COG4: variants seen among roughly 807,000 people sequenced by gnomAD.
COG4 encodes the protein component of oligomeric golgi complex 4, also known as conserved oligomeric Golgi complex subunit 4.
COG4 carries 65 observed loss-of-function variants against 95.1 expected under a neutral mutation model. That is an observed-to-expected ratio of 0.68 (90% CI 0.56 to 0.84). The LOEUF is 0.84. Ranked by LOEUF, COG4 falls within the 40% of genes least tolerant of loss-of-function variation. The pLI is 0.00. For synonymous variants in COG4, 421 were observed against 374.8 expected, an observed-to-expected ratio of 1.12 and a Z score of -1.42; for missense variants, 1,045 against 989.1, an observed-to-expected ratio of 1.06 and a Z score of -0.76.
intron 13 of COG4, 57 bp from the exon 14 acceptor site, chr16:70,484,026 G>C (rs1211627307): frequency 1.6e-6 from 2 of 1,262,626 alleles, no homozygotes; most frequent in Admixed American, 3.4e-5. Flanking sequence ...GGGAGTGTGA[G>C]GAGCCACCAG....
chr16:70,520,877 T>C lies in COG4; in HGVS notation c.172-1146A>G, dbSNP rs77639630. Among the ~76,000 whole-genome samples, 982 of 152,326 alleles carry C rather than the reference T, an allele frequency of 6.4e-3. 12 individuals are homozygous for C. The highest frequency in any genetic ancestry group is 0.022 in the African/African-American group (920 of 41,564). ...TAGCAATACCAATCTCACTGGGCTGTTGAATGAGTCAAACAGGAAACCACA... is the reference window on the plus strand; with the variant it reads ...TAGCAATACCAATCTCACTGGGCTGCTGAATGAGTCAAACAGGAAACCACA... On this transcript the variant is annotated intron_variant, in intron 1 of 18. Transcript: ENST00000323786.
At chr16:70,498,131 G>A (rs1468095714) in intron 9 of COG4, 76 bp from the exon 10 acceptor site, 1 of 869,878 alleles carries the variant, frequency 1.1e-6, no homozygotes, top group African/African-American at 1.7e-5. Flanking sequence ...ATTTTTTCAG[G>A]TTCCTTTATA....
At position 70,501,005 on chromosome 16, in the gene COG4, G is replaced by C; in HGVS notation, c.1148C>G (p.Ser383Cys). Residue 383 changes from serine (S) to cysteine (C), a missense_variant, in exon 9 of 19, where the codon TCT (serine) becomes TGT (cysteine). Ser to Cys is a moderately radical substitution (Grantham distance 112). Transcript: ENST00000323786. ...CATGGAGTCTCCCACCTCAAAATCA[G>C]AGCTAATCCTCTTCTTGAGGAAGCG... ...YLRFLKKRIS[S>C]DFEVGDSMAS... The C allele has an allele frequency of 6.2e-7, 1 of 1,614,064 alleles. No individual in the cohort carries two copies. The highest frequency in any genetic ancestry group is 8.5e-7 in the Non-Finnish European group (1 of 1,180,026).
Position 70,497,806 on chromosome 16 carries a change from G to C in COG4, c.1314+131C>G. The C allele has an allele frequency of 1.2e-5, 9 of 773,318 alleles. No individual in the cohort carries two copies. The South Asian group carries it at 1.2e-4, about 11-fold the overall frequency. 47.9% of individuals were successfully genotyped at this position (773,318 alleles called of 1,614,324 possible). On this transcript the variant is annotated intron_variant, in intron 10 of 18. Transcript: ENST00000323786. The stretch of plus-strand genomic sequence containing the variant: ...AGATGCTCTCTAAACATACAAAGTG[G>C]TACCACTCAATCTGCATGCAAGAGT...
Position 70,492,405 on chromosome 16 carries a change from T to C in COG4, c.1648-2013A>G, listed in dbSNP as rs562344487. ...CAGGCGCAGTGGCTCATGCCTGTAA[T>C]CACAGCAGTTTGGGAGGCCGATGCG... On this transcript the variant is annotated intron_variant, in intron 12 of 18. Transcript: ENST00000323786. Among the ~76,000 whole-genome samples, 2 of 152,154 alleles carry C rather than the reference T, an allele frequency of 1.3e-5. 1 individual carries two copies. Among genetic ancestry groups the C allele is most frequent in the Admixed American group, 1.3e-4 (2 of 15,262 alleles).
Position 70,496,294 on chromosome 16 carries a change from C to T in COG4, c.1619G>A (p.Ser540Asn). The change falls in exon 12 of 19, where the codon AGT (serine) becomes AAT (asparagine). Residue 540 changes from serine (S) to asparagine (N), a missense_variant. Physicochemically the swap from Ser to Asn is conservative, Grantham distance 46 (BLOSUM62 1). Transcript: ENST00000323786. ...GAAGGACATCTTCGCCTCGTCAGTA[C>T]TCTCGATGCCTTTTGTGTCAAATTT... ...QGKFDTKGIE[S>N]TDEAKMSFLV... is the part of the protein sequence containing the mutation. The T allele has an allele frequency of 1.9e-6, 3 of 1,614,220 alleles. No individual in the cohort carries two copies. The highest frequency in any genetic ancestry group is 2.5e-6 in the Non-Finnish European group (3 of 1,180,036).
rs1340275148 is a variant in COG4 at position 70,514,380 on chromosome 16, A to G, written c.499T>C (p.Cys167Arg). 5.0e-6 allele frequency: 8 copies of G among 1,614,180 alleles called. No individual in the cohort carries two copies. Among genetic ancestry groups the G allele is most frequent in the Non-Finnish European group, 6.8e-6 (8 of 1,180,024 alleles). The change falls in exon 4 of 19, where the codon TGC becomes CGC. Residue 167 changes from cysteine to arginine, a missense_variant. Cys to Arg is a radical substitution (Grantham distance 180). Transcript: ENST00000323786. ...QAAAHTHRYLCLDKSVIELSR... is the reference protein window; with the variant it reads ...QAAAHTHRYLRLDKSVIELSR... The stretch of plus-strand genomic sequence containing the variant: ...AGCTCAATGACCGACTTGTCCAGGC[A>G]CAAGTAGCGATGAGTATGTGCTGCA...
At chr16:70,513,195 G>A (rs1397432626) in intron 4 of COG4, among the ~76,000 whole-genome samples, 1 of 152,224 alleles carries the variant, frequency 6.6e-6, no homozygotes, top group Non-Finnish European at 1.5e-5. Context: ...CTTGGCATAT[G>A]GAGGAGCTTG....
chr16:70,523,350 A>G, intron 1 of COG4, 23 bp downstream of exon 1: 1 of 1,613,906 alleles, frequency 6.2e-7, no homozygotes. Context: ...CCTCCATGAA[A>G]AAGAAGAGGC....
At chr16:70,521,749 TG>T (rs1228196223) in intron 1 of COG4, among the ~76,000 whole-genome samples, 3 of 150,222 alleles carry the variant, frequency 2.0e-5, no homozygotes, top group African/African-American at 7.4e-5. Context: ...TCGCCGAGGC[TG>T]GAGTGCAGTG....
chr16:70,504,730 T>C (rs944787793), intron 8 of COG4, among the ~76,000 whole-genome samples: 1 of 150,800 alleles, frequency 6.6e-6, no homozygotes, highest in Non-Finnish European at 1.5e-5. Flanking sequence ...GCCAAGATGG[T>C]GAAACCCCAT....
intron 1 of COG4, among the ~76,000 whole-genome samples, chr16:70,522,534 A>G (rs1409527312): frequency 6.6e-6 from 1 of 152,224 alleles, no homozygotes; most frequent in East Asian, 1.9e-4. Context: ...GTGCAAGTTT[A>G]TACTTGAAAA....
At chr16:70,513,569 CAAT>C (rs1275267587) in intron 4 of COG4, among the ~76,000 whole-genome samples, 1 of 152,064 alleles carries the variant, frequency 6.6e-6, no homozygotes, top group Admixed American at 6.6e-5. Flanking sequence ...AAGAGATTAA[CAAT>C]AATATATAAT....
intron 8 of COG4, among the ~76,000 whole-genome samples, chr16:70,506,608 A>AAAAAAAAAAAAAAAAAAAAAAAAAT: frequency 1.7e-5 from 1 of 60,510 alleles, no homozygotes; most frequent in Non-Finnish European, 3.2e-5. Flanking sequence ...AAAAAAAAAA[A>AAAAAAAAAAAAAAAAAAAAAAAAAT]AAAAAAAAAC....
Position 70,514,415 on chromosome 16 carries a change from T to A in COG4, c.464A>T (p.Tyr155Phe). The change falls in exon 4 of 19, where the codon TAT becomes TTT. Residue 155 changes from tyrosine to phenylalanine, a missense_variant. Tyr to Phe is a conservative substitution (Grantham distance 22). Coordinates refer to ENST00000323786, the MANE Select transcript of COG4 (RefSeq NM_015386.3). Reference protein sequence around the residue: ...GVQTALRSEDYEQAAAHTHRY... With the variant: ...GVQTALRSEDFEQAAAHTHRY... ...ATGAGTATGTGCTGCAGCCTGCTCATAATCTTCACTCCTCAAAGCAGTCTG... is the reference window on the plus strand; with the variant it reads ...ATGAGTATGTGCTGCAGCCTGCTCAAAATCTTCACTCCTCAAAGCAGTCTG... 6.2e-7 allele frequency: 1 copy of A among 1,614,090 alleles called. No homozygotes were observed. The highest frequency in any genetic ancestry group is 8.5e-7 in the Non-Finnish European group (1 of 1,179,978).
chr16:70,508,384 A>T, intron 8 of COG4, 22 bp downstream of exon 8: 1 of 1,604,094 alleles, frequency 6.2e-7, no homozygotes, highest in Non-Finnish European at 8.5e-7. Context: ...CTGTGGGCTG[A>T]AGAAGAGAGA....
At chr16:70,501,139 G>T in intron 8 of COG4, 48 bp from the exon 9 acceptor site, 1 of 1,601,958 alleles carries the variant, frequency 6.2e-7, no homozygotes, top group East Asian at 2.2e-5. Flanking sequence ...GATTACCTTA[G>T]ACACAAGAGC....
At chr16:70,486,376 C>T (rs73578815) in intron 13 of COG4, among the ~76,000 whole-genome samples, 18,390 of 152,174 alleles carry the variant, frequency 0.12, 3,676 homozygotes, top group African/African-American at 0.42. Context: ...GAGGGACTCT[C>T]CTAGCAGACA....
At chr16:70,501,255 A>G in intron 8 of COG4, 164 bp from the exon 9 acceptor site, 1 of 685,348 alleles carries the variant, frequency 1.5e-6, no homozygotes, top group East Asian at 2.7e-5. Context: ...AATCAGAGAT[A>G]GCTGTCAATC....
Sources: allele counts gnomAD v4.1 joint callset (sites outside exome capture counted in the v4.1 genomes callset), GRCh38; gene constraint gnomAD v4.1.1; transcripts MANE v1.5; gene names NCBI Gene and HGNC (gene_info 2026-07-23, HGNC 2026-07-21).